Variants in DLG2 observed in about 807,000 individuals in gnomAD.
DLG2 encodes disks large homolog 2.
A neutral mutation model predicts 132.5 loss-of-function variants in DLG2; 45 were observed. The ratio of observed to expected loss-of-function variants is 0.34; its 90% confidence interval spans 0.27 to 0.44. The LOEUF (loss-of-function observed/expected upper bound fraction) is 0.44. Ranked by LOEUF, DLG2 falls within the 20% of genes least tolerant of loss-of-function variation. The pLI, the probability that DLG2 is intolerant of heterozygous loss-of-function variation, is 1.00. For missense variants in DLG2, 1,045 were observed against 1,196.9 expected (o/e 0.87, Z 1.87); for synonymous variants, 424 against 419.6 (o/e 1.01, Z -0.13).
chr11:84,959,041 T>C (rs1591836392), intron 6 of DLG2, among the ~76,000 whole-genome samples: 3 of 152,348 alleles, frequency 2.0e-5, no homozygotes, highest in Admixed American at 2.0e-4. Context: ...TACGTGGCTT[T>C]TGCTGCTGAG....
At chr11:84,025,011 A>T (rs1177668595) in intron 11 of DLG2, among the ~76,000 whole-genome samples, 2 of 152,128 alleles carry the variant, frequency 1.3e-5, no homozygotes, top group Non-Finnish European at 2.9e-5. Context: ...CCATAAATTT[A>T]TACAATTATA....
At chr11:83,625,691 A>C (rs1056217435) in intron 19 of DLG2, among the ~76,000 whole-genome samples, 1 of 152,162 alleles carries the variant, frequency 6.6e-6, no homozygotes, top group Non-Finnish European at 1.5e-5. Context: ...TTGTCTCACT[A>C]AGAGGTTATG....
chr11:84,505,570 T>C (rs1322488059), intron 7 of DLG2, among the ~76,000 whole-genome samples: 3 of 152,198 alleles, frequency 2.0e-5, no homozygotes, highest in Non-Finnish European at 2.9e-5. Flanking sequence ...CAACATCAGG[T>C]TCCTAATTTG....
chr11:85,053,632 C>CAAAAAAAAAAAAAAAA (rs574119257), intron 6 of DLG2, among the ~76,000 whole-genome samples: 1 of 91,170 alleles, frequency 1.1e-5, no homozygotes, highest in Admixed American at 1.1e-4. Flanking sequence ...ACTAAAAATA[C>CAAAAAAAAAAAAAAAA]AAAAAAAAAA....
In DLG2 at chr11:85,626,631, C is replaced by G. The variant is rs2082045394; in HGVS notation, c.-137G>C. 6.6e-6 allele frequency: 1 copy of G among 152,178 alleles called. No individual in the cohort carries two copies. 9.4% of individuals were successfully genotyped at this position (152,178 alleles called of 1,614,324 possible). A position where few individuals can be genotyped will look rare whatever the true frequency, so the allele number is the denominator to read the frequency against. On this transcript the variant is annotated 5_prime_UTR_variant, in exon 2 of 28. Transcript: ENST00000376104. ...CTTGACTGGCATTCTTGGGTCTTTC[C>G]ACTGCCACAGGAGTCAATATCTCTT...
chr11:83,756,222 C>A (rs1002900193), intron 18 of DLG2, among the ~76,000 whole-genome samples: 16 of 151,018 alleles, frequency 1.1e-4, no homozygotes, highest in Admixed American at 5.9e-4. Context: ...GAGTGAAATC[C>A]AGAATGCATT....
intron 3 of DLG2, among the ~76,000 whole-genome samples, chr11:85,319,593 T>C (rs1030182918): frequency 6.6e-6 from 1 of 151,802 alleles, no homozygotes; most frequent in Non-Finnish European, 1.5e-5. Flanking sequence ...AAACTCATGG[T>C]ATAAAAAGAT....
chr11:83,962,641 G>C (rs2089149074), intron 14 of DLG2, among the ~76,000 whole-genome samples: 1 of 151,960 alleles, frequency 6.6e-6, no homozygotes, highest in South Asian at 2.1e-4. Flanking sequence ...GATATAGAAA[G>C]TCTTAATAAA....
intron 19 of DLG2, among the ~76,000 whole-genome samples, chr11:83,580,368 A>G (rs1380152369): frequency 6.6e-6 from 1 of 152,144 alleles, no homozygotes; most frequent in Non-Finnish European, 1.5e-5. Context: ...TAGGAAAAAA[A>G]AAAACATTTA....
At chr11:84,864,767 A>G (rs1396106966) in intron 6 of DLG2, among the ~76,000 whole-genome samples, 1 of 152,182 alleles carries the variant, frequency 6.6e-6, no homozygotes, top group Non-Finnish European at 1.5e-5. Context: ...GGAGCCATTT[A>G]TACTACCCGG....
chr11:83,978,570 G>GCAAA (rs1009778013), intron 12 of DLG2, among the ~76,000 whole-genome samples: 7 of 151,928 alleles, frequency 4.6e-5, no homozygotes, highest in Admixed American at 1.3e-4. Flanking sequence ...AAACAAACAA[G>GCAAA]CAAACAAACA....
chr11:85,583,293 G>C (rs865790275), intron 3 of DLG2, among the ~76,000 whole-genome samples: 1 of 149,302 alleles, frequency 6.7e-6, no homozygotes, highest in Middle Eastern at 3.4e-3. Context: ...AGCCTCCCAA[G>C]AAGTTAGAAC....
chr11:84,971,284 C>G (rs2054062711), intron 6 of DLG2, among the ~76,000 whole-genome samples: 1 of 152,088 alleles, frequency 6.6e-6, no homozygotes, highest in Non-Finnish European at 1.5e-5. Flanking sequence ...GCTTAGCAAA[C>G]AGTATGCAAT....
chr11:85,024,933 A>T (rs186707640), intron 6 of DLG2, among the ~76,000 whole-genome samples: 1 of 152,200 alleles, frequency 6.6e-6, no homozygotes, highest in African/African-American at 2.4e-5. Flanking sequence ...ATAAATAAGG[A>T]AAGTTAGAAA....
chr11:85,155,643 A>G (rs893615578), intron 4 of DLG2, among the ~76,000 whole-genome samples: 6 of 152,076 alleles, frequency 3.9e-5, no homozygotes, highest in African/African-American at 1.4e-4. Flanking sequence ...GCCAAGGAGG[A>G]TGGATCACCT....
intron 6 of DLG2, among the ~76,000 whole-genome samples, chr11:85,014,181 G>A (rs1472052648): frequency 6.6e-6 from 1 of 152,138 alleles, no homozygotes; most frequent in African/African-American, 2.4e-5. Flanking sequence ...CAGCTGCATA[G>A]CCTTGGGCAA....
Position 84,823,581 on chromosome 11 carries a change from C to CCACACACA in DLG2, c.357+288072_357+288079dup, listed in dbSNP as rs60714512. Among the ~76,000 whole-genome samples, 809 of 134,468 alleles carry CCACACACA rather than the reference C, an allele frequency of 6.0e-3. 6 individuals carry two copies. Among genetic ancestry groups the CCACACACA allele is most frequent in the East Asian group, 0.012 (49 of 4,168 alleles). The allele number at this position is 134,468 out of a possible 152,430, so 88.2% of individuals were successfully genotyped here. A position where few individuals can be genotyped will look rare whatever the true frequency, so the allele number is the denominator to read the frequency against. ...CTGTTAGAATGGGATGGTTGTATAT[C>CCACACACA]CACACACACACACACACACACACAC... On this transcript the variant is annotated intron_variant, in intron 6 of 27. Transcript: ENST00000376104.
At chr11:85,150,340 G>T (rs1235980604) in intron 5 of DLG2, among the ~76,000 whole-genome samples, 1 of 151,880 alleles carries the variant, frequency 6.6e-6, no homozygotes, top group Non-Finnish European at 1.5e-5. Context: ...AATTATTATT[G>T]TATCATAAGA....
chr11:83,939,167 G>C (rs534230938), intron 14 of DLG2, among the ~76,000 whole-genome samples: 1 of 152,080 alleles, frequency 6.6e-6, no homozygotes, highest in Non-Finnish European at 1.5e-5. Context: ...ACACCTTTTT[G>C]AGTAAACCAC....
Sources: allele counts gnomAD v4.1 joint callset (sites outside exome capture counted in the v4.1 genomes callset), GRCh38; gene constraint gnomAD v4.1.1; transcripts MANE v1.5; gene names NCBI Gene and HGNC (gene_info 2026-07-23, HGNC 2026-07-21).